Variants in DRC3 observed in about 807,000 individuals in gnomAD.
The protein encoded by DRC3 is dynein regulatory complex subunit 3.
In DRC3, 45 loss-of-function variants were observed where a neutral mutation model predicts 57.6. The observed-to-expected ratio is 0.78, with a 90% confidence interval of 0.62 to 1.00. The LOEUF (loss-of-function observed/expected upper bound fraction) is 1.00, where lower values mean the gene tolerates loss of function less well. DRC3 is among the 50% of genes least tolerant of loss of function. DRC3 has a pLI of 0.00. For missense variants in DRC3, 655 were observed against 675.2 expected (o/e 0.97, Z 0.33); for synonymous variants, 257 against 272.3 (o/e 0.94, Z 0.55).
chr17:17,998,919 G>GA (rs1355382171), intron 9 of DRC3, among the ~76,000 whole-genome samples: 1 of 152,234 alleles, frequency 6.6e-6, no homozygotes, highest in East Asian at 1.9e-4. Flanking sequence ...AGATTTCACA[G>GA]AAAAAATTGT....
intron 5 of DRC3, chr17:17,988,354 C>T: frequency 2.0e-6 from 1 of 494,696 alleles, no homozygotes; most frequent in Non-Finnish European, 3.7e-6. Flanking sequence ...GTGTCTTGCA[C>T]TTATTTAACA....
rs111309590 is a variant in DRC3 at position 17,995,065 on chromosome 17, G to C, written c.778G>C (p.Gly260Arg). The C allele has an allele frequency of 1.2e-6, 2 of 1,613,802 alleles. No homozygotes were observed. The highest frequency in any genetic ancestry group is 1.3e-5 in the African/African-American group (1 of 74,904). Residue 260 changes from glycine (G) to arginine (R), a missense_variant, in exon 8 of 14, where the codon GGC (glycine) becomes CGC (arginine). Gly to Arg is a moderately radical substitution (Grantham distance 125). Transcript: ENST00000399187. ...CAGCATGTACGCTGAGGACTCAGAG[G>C]GCAACAATCTGTCCTACCTGCCTGG... is the stretch of plus-strand genomic sequence containing the variant. ...FDSMYAEDSE[G>R]NNLSYLPGVG... is the part of the protein sequence containing the mutation.
chr17:17,984,151 A>G (rs1007911598), intron 4 of DRC3, among the ~76,000 whole-genome samples: 7 of 152,206 alleles, frequency 4.6e-5, no homozygotes, highest in African/African-American at 1.7e-4. Flanking sequence ...TGCAGCAAAG[A>G]TGTGCTCAGA....
At chr17:17,987,910 C>T (rs773310054) in intron 4 of DRC3, 22 bp from the exon 5 acceptor site, 2 of 1,611,724 alleles carry the variant, frequency 1.2e-6, no homozygotes, top group South Asian at 2.2e-5. Flanking sequence ...AGCAGACCCT[C>T]ACAGCCCTCT....
chr17:17,996,649 C>T (rs567259845), intron 8 of DRC3, among the ~76,000 whole-genome samples: 129 of 152,274 alleles, frequency 8.5e-4, no homozygotes, highest in African/African-American at 3.0e-3. Flanking sequence ...ACCAAACACA[C>T]CTGACATTCT....
chr17:18,011,486 TC>T, intron 12 of DRC3: 1 of 188,318 alleles, frequency 5.3e-6, no homozygotes, highest in Non-Finnish European at 1.1e-5. Context: ...CCCCACACTG[TC>T]CCTTGCAAGA....
intron 1 of DRC3, 170 bp from the exon 2 acceptor site, chr17:17,973,682 C>G (rs1412072293): frequency 6.6e-6 from 1 of 151,640 alleles, no homozygotes; most frequent in Non-Finnish European, 1.5e-5. Context: ...CTATGTTGCC[C>G]GGGCTGGTCT....
intron 2 of DRC3, among the ~76,000 whole-genome samples, chr17:17,976,027 CA>C (rs2042371418): frequency 6.6e-6 from 1 of 152,146 alleles, no homozygotes; most frequent in South Asian, 2.1e-4. Flanking sequence ...CAGACACCAT[CA>C]GCCCTGCACC....
In DRC3 at chr17:18,016,774, T is replaced by A; in HGVS notation, c.*103T>A. 1 of 641,750 alleles carries A rather than the reference T, an allele frequency of 1.6e-6. No individual in the cohort carries two copies. The highest frequency in any genetic ancestry group is 2.7e-6 in the Non-Finnish European group (1 of 373,468). The allele number at this position is 641,750 out of a possible 1,614,324, so 39.8% of individuals were successfully genotyped here. A position where few individuals can be genotyped will look rare whatever the true frequency, so the allele number is the denominator to read the frequency against. On this transcript the variant is annotated 3_prime_UTR_variant, in exon 14 of 14. Coordinates refer to ENST00000399187, the MANE Select transcript of DRC3 (RefSeq NM_031294.4). The stretch of plus-strand genomic sequence containing the variant: ...CGCACCTCTAGAGAGTTGCTGGGCA[T>A]CTCTCAACCGCGATCCCCAACACCA...
intron 12 of DRC3, 196 bp downstream of exon 12, chr17:18,007,343 G>T: frequency 6.6e-7 from 1 of 1,520,928 alleles, no homozygotes; most frequent in Non-Finnish European, 8.9e-7. Flanking sequence ...GGCACCCAGT[G>T]GGGCCCAGTT....
At position 18,007,256 on chromosome 17, in the gene DRC3, C is replaced by G. The variant is rs1023786018; in HGVS notation, c.1326+109C>G. ...GACAACCTCCCAGAGCCTCAGTGTT[C>G]TCATCTGCAAAAGGGCACACTAACC... On this transcript the variant is annotated intron_variant, in intron 12 of 13. Coordinates refer to ENST00000399187, the MANE Select transcript of DRC3 (RefSeq NM_031294.4). The G allele has an allele frequency of 1.9e-5, 16 of 851,390 alleles. No individual in the cohort carries two copies. The African/African-American group carries it at 3.2e-4, about 17-fold the overall frequency. The allele number at this position is 851,390 out of a possible 1,614,324, so 52.7% of individuals were successfully genotyped here. A position where few individuals can be genotyped will look rare whatever the true frequency, so the allele number is the denominator to read the frequency against.
chr17:18,003,196 G>T (rs938930113), intron 9 of DRC3, among the ~76,000 whole-genome samples: 5 of 151,970 alleles, frequency 3.3e-5, no homozygotes, highest in East Asian at 1.9e-4. Flanking sequence ...GATAAGAATG[G>T]CTTCTTGGCT....
At chr17:18,005,979 G>A (rs1446766201) in intron 10 of DRC3, 1 of 571,860 alleles carries the variant, frequency 1.7e-6, no homozygotes, top group Non-Finnish European at 3.2e-6. Flanking sequence ...AGATGGTGAG[G>A]GAGTTAATAT....
intron 6 of DRC3, chr17:17,993,141 G>C: frequency 2.0e-6 from 1 of 495,304 alleles, no homozygotes; most frequent in Non-Finnish European, 3.6e-6. Context: ...TCCACACACT[G>C]TCCCAGGGCC....
At chr17:17,990,328 C>T (rs543120264) in intron 5 of DRC3, among the ~76,000 whole-genome samples, 21 of 152,354 alleles carry the variant, frequency 1.4e-4, no homozygotes, top group African/African-American at 4.3e-4. Context: ...CCCTGCATGC[C>T]AGACAGGCAG....
chr17:18,010,062 G>A (rs2044115045), intron 12 of DRC3, among the ~76,000 whole-genome samples: 1 of 152,226 alleles, frequency 6.6e-6, no homozygotes, highest in Admixed American at 6.5e-5. Context: ...CGAGGGCAGG[G>A]TGAGTGCTCA....
At chr17:18,006,864 C>A (rs1006731104) in intron 11 of DRC3, 160 bp from the exon 12 acceptor site, 58 of 1,144,264 alleles carry the variant, frequency 5.1e-5, no homozygotes, top group Non-Finnish European at 6.6e-5. Context: ...GGCAGGGAGT[C>A]GAGGAAGGCC....
chr17:18,006,336 TC>T, intron 11 of DRC3, 83 bp downstream of exon 11: 4 of 1,015,922 alleles, frequency 3.9e-6, no homozygotes, highest in Middle Eastern at 2.1e-4. Flanking sequence ...AAAAGAATGT[TC>T]CACAGGGTCT....
chr17:17,997,697 A>T, intron 9 of DRC3, 63 bp downstream of exon 9: 1 of 1,435,310 alleles, frequency 7.0e-7, no homozygotes. Flanking sequence ...TGCTCTTGCC[A>T]CTCCCACTGT....
Sources: allele counts gnomAD v4.1 joint callset (sites outside exome capture counted in the v4.1 genomes callset), GRCh38; gene constraint gnomAD v4.1.1; transcripts MANE v1.5; gene names NCBI Gene and HGNC (gene_info 2026-07-23, HGNC 2026-07-21).